The following SV2B variants were observed in gnomAD, a reference collection of about 807,000 sequenced individuals.
The protein encoded by SV2B is synaptic vesicle glycoprotein 2B.
In SV2B, 41 loss-of-function variants were observed where a neutral mutation model predicts 73.9. That is an observed-to-expected ratio of 0.56 (90% CI 0.43 to 0.72). The LOEUF is 0.72. Among genes scored for constraint, SV2B ranks in the 30% least tolerant of loss-of-function variants. The probability of loss-of-function intolerance (pLI) is 0.00; values close to 1 mark genes in which losing one functional copy is unlikely to be tolerated. For synonymous variants in SV2B, 314 were observed against 314.2 expected (o/e 1.00, Z 0.01); for missense variants, 764 against 857.8 (o/e 0.89, Z 1.37).
rs145351661 is a variant in SV2B, at chr15:91,256,497, G to A, written c.785-1924G>A. On this transcript the variant is annotated intron_variant, in intron 4 of 12. Transcript: ENST00000394232. Reference sequence around the variant, plus strand: ...CTGAGTTTGACTGCTGTGTGGTTTCGATCACCTTTACTTCTAATGATGCCA... The same window carrying A: ...CTGAGTTTGACTGCTGTGTGGTTTCAATCACCTTTACTTCTAATGATGCCA... Among the ~76,000 whole-genome samples the A allele has an allele frequency of 3.1e-3, 468 of 152,258 alleles. 1 individual carries two copies. The highest frequency in any genetic ancestry group is 0.017 in the Middle Eastern group (5 of 294).
chr15:91,138,179 C>T (rs575961966), intron 1 of SV2B, among the ~76,000 whole-genome samples: 1 of 152,260 alleles, frequency 6.6e-6, no homozygotes, highest in Non-Finnish European at 1.5e-5. Context: ...ACCAAAAAAA[C>T]CCTAACCTGA....
chr15:91,289,597 G>T lies in SV2B; in HGVS notation c.1785G>T (p.Trp595Cys). 1 of 1,614,194 alleles carries T rather than the reference G, an allele frequency of 6.2e-7. No individual in the cohort carries two copies. The highest frequency in any genetic ancestry group is 1.3e-5 in the African/African-American group (1 of 75,048). The change falls in exon 12 of 13, where the codon TGG becomes TGT. Residue 595 changes from tryptophan (W) to cysteine (C), a missense_variant. Transcript: ENST00000394232. The surrounding 1 kb of genome is among the most constrained non-coding windows in gnomAD (Gnocchi z 4.9). ...ACAGTGAGTCTGCAATGATCGGCTG[G>T]CAGTGCCTGTTCTGTGGGACAAGCA... ...FGNSESAMIG[W>C]QCLFCGTSIA...
At chr15:91,114,638 C>T (rs1227539893) in intron 1 of SV2B, among the ~76,000 whole-genome samples, 1 of 152,098 alleles carries the variant, frequency 6.6e-6, no homozygotes, top group Non-Finnish European at 1.5e-5. Context: ...AGACTGAGGC[C>T]TAAGAGGGGA....
In SV2B at chr15:91,226,515, G is replaced by T. The variant is rs200837218; in HGVS notation, c.252G>T (p.Arg84Ser). The T allele has an allele frequency of 2.0e-5, 32 of 1,614,180 alleles. No individual in the cohort carries two copies. The highest frequency in any genetic ancestry group is 4.0e-5 in the African/African-American group (3 of 75,060). The change falls in exon 2 of 13, where the codon AGG (arginine) becomes AGT (serine). Residue 84 changes from arginine to serine, a missense_variant. Transcript: ENST00000394232. Reference sequence around the variant, plus strand: ...GCCAGACAGACCTGATGGCTGAGAGGCTGGAAGATGAGGAGCAGTTGGCCC... The same window carrying T: ...GCCAGACAGACCTGATGGCTGAGAGTCTGGAAGATGAGGAGCAGTTGGCCC... ...LRGQTDLMAE[R>S]LEDEEQLAHQ...
chr15:91,278,674 G>A (rs1390382892), intron 9 of SV2B, among the ~76,000 whole-genome samples: 1 of 48,588 alleles, frequency 2.1e-5, no homozygotes, highest in Non-Finnish European at 3.7e-5. Flanking sequence ...GCGAGACTCC[G>A]TCTCAAAAAA....
chr15:91,287,207 G>A (rs1017495670), intron 11 of SV2B, among the ~76,000 whole-genome samples: 11 of 152,162 alleles, frequency 7.2e-5, no homozygotes, highest in Non-Finnish European at 1.5e-4. Context: ...TCATCAGCAA[G>A]GATTGGCACT....
At chr15:91,276,978 A>G (rs2048515397) in intron 9 of SV2B, among the ~76,000 whole-genome samples, 2 of 151,960 alleles carry the variant, frequency 1.3e-5, no homozygotes, top group African/African-American at 2.4e-5. Flanking sequence ...GCAACACCAC[A>G]CCTGGCTAAT....
chr15:91,168,332 A>AGAGAGAGAGAGAGAGAGAGAGAGAGAGAG (rs1567308862), intron 1 of SV2B, among the ~76,000 whole-genome samples: 38 of 78,402 alleles, frequency 4.8e-4, no homozygotes, highest in African/African-American at 1.5e-3. Context: ...GAGAGAGAGA[A>AGAGAGAGAGAGAGAGAGAGAGAGAGAGAG]AAGAAATTTC....
At chr15:91,163,261 C>T (rs910469518) in intron 1 of SV2B, among the ~76,000 whole-genome samples, 8 of 152,108 alleles carry the variant, frequency 5.3e-5, no homozygotes, top group African/African-American at 1.9e-4. Context: ...TGATTTTTAA[C>T]CCTTTGGGTG....
At position 91,197,306 on chromosome 15, in the gene SV2B, G is replaced by A. The variant is rs1296058894; in HGVS notation, c.-391-28567G>A. 2.0e-5 allele frequency among the ~76,000 whole-genome samples: 3 copies of A among 151,904 alleles called. No homozygotes were observed. Among genetic ancestry groups the A allele is most frequent in the Admixed American group, 6.6e-5 (1 of 15,256 alleles). On this transcript the variant is annotated intron_variant, in intron 1 of 12. Transcript: ENST00000394232. This position sits in a 1 kb window ranked among gnomAD's most constrained non-coding sequence, Gnocchi z 4.9. ...TGCAATGGCATGATCTCAGCTCACCGCAACCTCTGCTTCCTGGGTTCAAGC... is the reference window on the plus strand; with the variant it reads ...TGCAATGGCATGATCTCAGCTCACCACAACCTCTGCTTCCTGGGTTCAAGC...
chr15:91,262,931 G>C (rs1301307583), intron 6 of SV2B, among the ~76,000 whole-genome samples: 1 of 152,178 alleles, frequency 6.6e-6, no homozygotes, highest in East Asian at 1.9e-4. Flanking sequence ...ATGGCCAGAG[G>C]AAGTCTAAGC....
intron 1 of SV2B, among the ~76,000 whole-genome samples, chr15:91,200,581 G>C (rs2045423337): frequency 6.6e-6 from 1 of 152,160 alleles, no homozygotes; most frequent in Admixed American, 6.5e-5. Flanking sequence ...GAGAAGGTCA[G>C]ATGGTGCTAC....
In SV2B at chr15:91,280,382, G is replaced by T. The variant is rs1285846644; in HGVS notation, c.1374-1346G>T. On this transcript the variant is annotated intron_variant, in intron 9 of 12. Coordinates refer to ENST00000394232, the MANE Select transcript of SV2B (RefSeq NM_001323032.3). The surrounding 1 kb of genome is among the most constrained non-coding windows in gnomAD (Gnocchi z 5.8). Reference sequence around the variant, plus strand: ...CTGTATTGTAGTTGCCTATTTGCTTGCACTTTTTTCCAATTAGACTGGAGA... The same window carrying T: ...CTGTATTGTAGTTGCCTATTTGCTTTCACTTTTTTCCAATTAGACTGGAGA... Among the ~76,000 whole-genome samples, 1 of 152,168 alleles carries T rather than the reference G, an allele frequency of 6.6e-6. No homozygotes were observed. The highest frequency in any genetic ancestry group is 1.5e-5 in the Non-Finnish European group (1 of 68,030).
intron 1 of SV2B, among the ~76,000 whole-genome samples, chr15:91,160,636 TA>T (rs2043680154): frequency 6.6e-6 from 1 of 151,946 alleles, no homozygotes; most frequent in South Asian, 2.1e-4. Context: ...AAAATAAAAA[TA>T]AAACGTAGCA....
At chr15:91,109,635 A>G (rs1408659732) in intron 1 of SV2B, among the ~76,000 whole-genome samples, 2 of 152,200 alleles carry the variant, frequency 1.3e-5, no homozygotes, top group African/African-American at 4.8e-5. Flanking sequence ...GCTCAAGTCA[A>G]TGAAGACCTT....
intron 1 of SV2B, among the ~76,000 whole-genome samples, chr15:91,161,198 C>A (rs1387255828): frequency 6.6e-6 from 1 of 152,060 alleles, no homozygotes; most frequent in African/African-American, 2.4e-5. Context: ...GGGGGTGATG[C>A]AAGTGTTCTA....
chr15:91,218,326 A>G (rs1236324227), intron 1 of SV2B, among the ~76,000 whole-genome samples: 1 of 152,108 alleles, frequency 6.6e-6, no homozygotes, highest in African/African-American at 2.4e-5. Flanking sequence ...CTGTGGGTAT[A>G]GGGTGGGCAC....
rs936328035 is a variant in SV2B at position 91,136,697 on chromosome 15, C to T, written c.-392+36334C>T. Among the ~76,000 whole-genome samples the T allele has an allele frequency of 6.6e-6, 1 of 152,154 alleles. No individual in the cohort carries two copies. The highest frequency in any genetic ancestry group is 1.5e-5 in the Non-Finnish European group (1 of 68,028). ...TTTTTAGTTGTCAGCAGATCTGTCT[C>T]TTGGGAGCGGGAATGGGGTGGCTTC... On this transcript the variant is annotated intron_variant, in intron 1 of 12. Transcript: ENST00000394232. This position sits in a 1 kb window ranked among gnomAD's most constrained non-coding sequence, Gnocchi z 5.6.
intron 11 of SV2B, among the ~76,000 whole-genome samples, chr15:91,286,028 A>T (rs1433616936): frequency 6.6e-6 from 1 of 152,174 alleles, no homozygotes; most frequent in Non-Finnish European, 1.5e-5. Context: ...CGAATGAGAG[A>T]TCTAGAACTA....
Sources: allele counts gnomAD v4.1 joint callset (sites outside exome capture counted in the v4.1 genomes callset), GRCh38; gene constraint gnomAD v4.1.1; non-coding constraint Gnocchi (gnomAD v3.1); transcripts MANE v1.5; gene names NCBI Gene and HGNC (gene_info 2026-07-23, HGNC 2026-07-21).